KDSR: variants seen among roughly 807,000 people sequenced by gnomAD.
KDSR encodes the protein 3-dehydrosphinganine reductase.
Under a neutral mutation model 41.3 loss-of-function variants are expected in KDSR, and 23 were observed. The ratio of observed to expected loss-of-function variants is 0.56; its 90% CI spans 0.40 to 0.79. The LOEUF (loss-of-function observed/expected upper bound fraction) is 0.79. Among genes scored for constraint, KDSR ranks in the 30% least tolerant of loss-of-function variants. The pLI is 0.00. For missense variants in KDSR, 351 were observed against 416.8 expected (o/e 0.84, Z 1.37); for synonymous variants, 138 against 151.7 (o/e 0.91, Z 0.66).
At chr18:63,362,984 G>A (rs1915033598) in intron 1 of KDSR, 116 bp from the exon 2 acceptor site, 3 of 665,714 alleles carry the variant, frequency 4.5e-6, no homozygotes, top group Non-Finnish European at 7.8e-6. Context: ...TAAATGATTA[G>A]CTGTTGTTAA....
chr18:63,347,831 T>A (rs1914556018), intron 6 of KDSR, among the ~76,000 whole-genome samples: 1 of 151,360 alleles, frequency 6.6e-6, no homozygotes, highest in South Asian at 2.1e-4. Context: ...CCTTTCTTCC[T>A]AAAAGACTGA....
chr18:63,353,796 G>A (rs1466580197), intron 5 of KDSR, among the ~76,000 whole-genome samples: 1 of 152,074 alleles, frequency 6.6e-6, no homozygotes. Flanking sequence ...ATTGGTGGTT[G>A]TCAGAGATTG....
chr18:63,366,983 C>CGGGG (rs762349881), intron 1 of KDSR, 28 bp downstream of exon 1: 1 of 1,218,118 alleles, frequency 8.2e-7, no homozygotes, highest in Non-Finnish European at 1.1e-6. Context: ...GCCGGTAAGT[C>CGGGG]GGGGGGCAGC....
At chr18:63,346,915 C>T (rs1914521085) in intron 6 of KDSR, among the ~76,000 whole-genome samples, 1 of 152,128 alleles carries the variant, frequency 6.6e-6, no homozygotes, top group Non-Finnish European at 1.5e-5. Flanking sequence ...ACATCTACAT[C>T]TTCTTTTAAT....
intron 8 of KDSR, among the ~76,000 whole-genome samples, chr18:63,337,514 T>C (rs1914210299): frequency 6.6e-6 from 1 of 152,162 alleles, no homozygotes; most frequent in Admixed American, 6.5e-5. Context: ...AAACAAAAGT[T>C]CTCTGGGGTT....
chr18:63,352,059 C>A (rs1325674095), intron 5 of KDSR, among the ~76,000 whole-genome samples: 2 of 152,334 alleles, frequency 1.3e-5, no homozygotes, highest in Admixed American at 1.3e-4. Flanking sequence ...GATGGGATTA[C>A]AGGCATGAGC....
Position 63,331,899 on chromosome 18 carries a change from C to G in KDSR, c.882G>C (p.Val294=). ...TAGTGCGGAAAAGGCCCATGGTGAC[C>G]ACCTGCAAGATAAAGAGAGAGCTTT... ...VTSITEGLQQ[V]VTMGLFRTIA... Residue 294 remains valine, a splice_region_variant and synonymous_variant, in exon 10 of 10, where the codon GTG becomes GTC. Transcript: ENST00000645214. 1 of 1,613,270 alleles carries G rather than the reference C, an allele frequency of 6.2e-7. No homozygotes were observed. The highest frequency in any genetic ancestry group is 1.7e-4 in the Middle Eastern group (1 of 6,060).
chr18:63,350,851 G>C, intron 6 of KDSR, 37 bp downstream of exon 6: 3 of 1,443,212 alleles, frequency 2.1e-6, no homozygotes, highest in Non-Finnish European at 2.9e-6. Flanking sequence ...ATTGCTGAGC[G>C]GAGAGGAATA....
chr18:63,366,772 C>A, intron 1 of KDSR: 1 of 379,564 alleles, frequency 2.6e-6, no homozygotes, highest in Non-Finnish European at 4.7e-6. Context: ...GGCGGGGTCC[C>A]CCGTCGCACG....
At chr18:63,345,604 G>T (rs1201478832) in intron 6 of KDSR, 2 of 152,134 alleles carry the variant, frequency 1.3e-5, no homozygotes, top group African/African-American at 4.8e-5. Context: ...GGTACCCTAG[G>T]CTAAAAATCA....
intron 6 of KDSR, chr18:63,345,262 G>T (rs1458550592): frequency 6.6e-6 from 1 of 152,274 alleles, no homozygotes; most frequent in African/African-American, 2.4e-5. Flanking sequence ...CTGACACTTG[G>T]AGCAGGTTGT....
At chr18:63,362,637 G>A (rs1915022086) in intron 2 of KDSR, 142 bp downstream of exon 2, 1 of 605,146 alleles carries the variant, frequency 1.7e-6, no homozygotes, top group South Asian at 2.2e-5. Flanking sequence ...AAATACTAGA[G>A]AGAATCAGTA....
intron 6 of KDSR, among the ~76,000 whole-genome samples, chr18:63,349,338 G>A (rs1217277154): frequency 6.6e-6 from 1 of 152,066 alleles, no homozygotes; most frequent in East Asian, 1.9e-4. Flanking sequence ...AGCTATGATT[G>A]TGCCACTGCG....
At chr18:63,345,396 T>G (rs1914471435) in intron 6 of KDSR, 1 of 152,540 alleles carries the variant, frequency 6.6e-6, no homozygotes. Context: ...TCCCACAGAC[T>G]GCTCAGCCAC....
At chr18:63,344,647 C>A (rs993477680) in intron 6 of KDSR, 154 bp from the exon 7 acceptor site, 9 of 542,700 alleles carry the variant, frequency 1.7e-5, no homozygotes, top group Non-Finnish European at 3.0e-5. Context: ...CATTGAGAAA[C>A]CCCTCTCCAT....
Position 63,331,604 on chromosome 18 carries a change from T to C in KDSR, c.*178A>G. The C allele has an allele frequency of 1.8e-6, 1 of 555,532 alleles. No homozygotes were observed. Among genetic ancestry groups the C allele is most frequent in the Non-Finnish European group, 3.2e-6 (1 of 315,446 alleles). 34.4% of individuals were successfully genotyped at this position (555,532 alleles called of 1,614,324 possible). A position where few individuals can be genotyped will look rare whatever the true frequency, so the allele number is the denominator to read the frequency against. On this transcript the variant is annotated 3_prime_UTR_variant, in exon 10 of 10. Coordinates refer to ENST00000645214, the MANE Select transcript of KDSR (RefSeq NM_002035.4). ...TTCCATATTTGCATAGTATTAATAA[T>C]ACTGTCAGGAGGTGAACTTCTAGCC...
At chr18:63,361,810 G>A (rs1914997261) in intron 2 of KDSR, among the ~76,000 whole-genome samples, 1 of 152,102 alleles carries the variant, frequency 6.6e-6, no homozygotes, top group Non-Finnish European at 1.5e-5. Context: ...GTGAGATGCT[G>A]TCTCAAGAAA....
chr18:63,359,916 C>G, intron 2 of KDSR, 124 bp from the exon 3 acceptor site: 1 of 706,098 alleles, frequency 1.4e-6, no homozygotes. Flanking sequence ...ACACACAAAA[C>G]AGTATCTACA....
At chr18:63,365,004 G>A (rs1186459013) in intron 1 of KDSR, among the ~76,000 whole-genome samples, 1 of 152,224 alleles carries the variant, frequency 6.6e-6, no homozygotes, top group Non-Finnish European at 1.5e-5. Context: ...TCATTGGGAA[G>A]TGTCTCCTAC....
Sources: allele counts gnomAD v4.1 joint callset (sites outside exome capture counted in the v4.1 genomes callset), GRCh38; gene constraint gnomAD v4.1.1; transcripts MANE v1.5; gene names NCBI Gene and HGNC (gene_info 2026-07-23, HGNC 2026-07-21).